UNC93A: variants seen among roughly 807,000 people sequenced by gnomAD.
The protein encoded by UNC93A is unc-93 homolog A.
Under a neutral mutation model 47.5 loss-of-function variants are expected in UNC93A, and 43 were observed. The ratio of observed to expected loss-of-function variants is 0.91; its 90% CI spans 0.71 to 1.17. UNC93A has a LOEUF of 1.17. Among genes scored for constraint, UNC93A ranks in the 50% most tolerant of loss-of-function variants. The probability of loss-of-function intolerance (pLI) is 0.00; values close to 1 mark genes in which losing one functional copy is unlikely to be tolerated. For missense variants in UNC93A, 605 were observed against 577.6 expected (o/e 1.05, Z -0.49); for synonymous variants, 280 against 258.0 (o/e 1.09, Z -0.82).
chr6:167,297,810 C>A, intron 3 of UNC93A, 135 bp from the exon 4 acceptor site: 1 of 1,125,106 alleles, frequency 8.9e-7, no homozygotes, highest in Non-Finnish European at 1.3e-6. Flanking sequence ...GACACTGGGT[C>A]TTTCCACGTG....
At chr6:167,301,267 C>T (rs1370960172) in intron 4 of UNC93A, among the ~76,000 whole-genome samples, 1 of 152,200 alleles carries the variant, frequency 6.6e-6, no homozygotes, top group Non-Finnish European at 1.5e-5. Context: ...TCTCGGTTCA[C>T]GGAATCCCGC....
chr6:167,270,946 T>G (rs988170970), upstream of UNC93A, among the ~76,000 whole-genome samples: 2 of 152,172 alleles, frequency 1.3e-5, no homozygotes, highest in East Asian at 1.9e-4. Flanking sequence ...AAGGGGCATT[T>G]GAATTCAGTT....
chr6:167,290,814 A>C (rs1415716870), upstream of UNC93A, among the ~76,000 whole-genome samples: 1 of 152,236 alleles, frequency 6.6e-6, no homozygotes, highest in African/African-American at 2.4e-5. Flanking sequence ...GATCATTAGC[A>C]TAGCACTATT....
chr6:167,288,691 T>C (rs1783786718), upstream of UNC93A, among the ~76,000 whole-genome samples: 1 of 152,216 alleles, frequency 6.6e-6, no homozygotes, highest in African/African-American at 2.4e-5. Context: ...ATGAGTACAT[T>C]CCTTAAAAAA....
chr6:167,298,821 T>TA (rs112825719), intron 4 of UNC93A, among the ~76,000 whole-genome samples: 2 of 149,122 alleles, frequency 1.3e-5, no homozygotes, highest in African/African-American at 4.9e-5. Context: ...AATTTAAATA[T>TA]TTTTTTTTTT....
chr6:167,283,995 C>G (rs1783678459), intron 1 of UNC93A, among the ~76,000 whole-genome samples: 1 of 152,178 alleles, frequency 6.6e-6, no homozygotes, highest in African/African-American at 2.4e-5. Flanking sequence ...CAGGGTCAGG[C>G]TTTCCCTCAT....
At chr6:167,306,096 A>G in intron 6 of UNC93A, 46 bp downstream of exon 6, 2 of 1,608,718 alleles carry the variant, frequency 1.2e-6, no homozygotes, top group Non-Finnish European at 1.7e-6. Flanking sequence ...AACGATTTGC[A>G]GTAGCAAAAG....
intron 4 of UNC93A, among the ~76,000 whole-genome samples, chr6:167,303,635 C>T (rs2054): frequency 0.016 from 2,378 of 152,130 alleles, 29 homozygotes; most frequent in Non-Finnish European, 0.026. Context: ...CTTCTGGGGT[C>T]GCTCCGGAAT....
intron 1 of UNC93A, among the ~76,000 whole-genome samples, chr6:167,280,799 T>C (rs972186991): frequency 5.3e-5 from 8 of 152,104 alleles, no homozygotes; most frequent in Admixed American, 5.2e-4. Context: ...GTTAAGGAAA[T>C]ACAGCAGTAT....
chr6:167,280,483 T>C (rs1783613722), intron 1 of UNC93A, among the ~76,000 whole-genome samples: 1 of 152,354 alleles, frequency 6.6e-6, no homozygotes, highest in Admixed American at 6.5e-5. Flanking sequence ...CAAAGAGGGC[T>C]GAGCACATTC....
chr6:167,310,915 C>T (rs1436721007), intron 7 of UNC93A, among the ~76,000 whole-genome samples: 1 of 152,170 alleles, frequency 6.6e-6, no homozygotes, highest in Non-Finnish European at 1.5e-5. Flanking sequence ...TTTTCATATA[C>T]TTGAGAAGCT....
At position 167,296,153 on chromosome 6, in the gene UNC93A, A is replaced by G; in HGVS notation, c.391A>G (p.Lys131Glu). The stretch of plus-strand genomic sequence containing the variant: ...TGCAGAGAAGGCGGGAAAGCGTGGC[A>G]AAGACATGGTGAACCAGTATTTTGG... Reference protein sequence around the residue: ...THAEKAGKRGKDMVNQYFGIF... With the variant: ...THAEKAGKRGEDMVNQYFGIF... The change falls in exon 3 of 8, where the codon AAA (lysine) becomes GAA (glutamate). Residue 131 changes from lysine (K) to glutamate (E), a missense_variant. Transcript: ENST00000230256. 3.1e-6 allele frequency: 5 copies of G among 1,614,252 alleles called. No homozygotes were observed. Among genetic ancestry groups the G allele is most frequent in the Non-Finnish European group, 4.2e-6 (5 of 1,180,058 alleles).
upstream of UNC93A, among the ~76,000 whole-genome samples, chr6:167,287,039 A>G (rs1783748514): frequency 6.6e-6 from 1 of 150,774 alleles, no homozygotes; most frequent in East Asian, 1.9e-4. Flanking sequence ...CCCCTCATCC[A>G]GGCTTAGAAG....
intron 1 of UNC93A, among the ~76,000 whole-genome samples, chr6:167,281,559 G>A (rs1783634253): frequency 6.6e-6 from 1 of 152,196 alleles, no homozygotes; most frequent in Admixed American, 6.5e-5. Context: ...GAGAGTATGT[G>A]CAGGAGCCAG....
chr6:167,297,610 T>C (rs1778124454), intron 3 of UNC93A, among the ~76,000 whole-genome samples: 1 of 152,246 alleles, frequency 6.6e-6, no homozygotes, highest in Admixed American at 6.5e-5. Flanking sequence ...TACTTTTTTC[T>C]TTTTGACTAA....
intron 1 of UNC93A, among the ~76,000 whole-genome samples, chr6:167,274,531 C>T (rs1189727132): frequency 6.6e-6 from 1 of 152,108 alleles, no homozygotes; most frequent in Non-Finnish European, 1.5e-5. Flanking sequence ...TTTTGTGTTT[C>T]ATTCATACAT....
upstream of UNC93A, among the ~76,000 whole-genome samples, chr6:167,269,862 G>A (rs1783423033): frequency 6.6e-6 from 1 of 152,050 alleles, no homozygotes; most frequent in African/African-American, 2.4e-5. Context: ...TGATCCACCT[G>A]CCTCGGTCTC....
upstream of UNC93A, among the ~76,000 whole-genome samples, chr6:167,290,886 AGTT>A (rs1204941645): frequency 6.6e-6 from 1 of 152,222 alleles, no homozygotes; most frequent in Non-Finnish European, 1.5e-5. Flanking sequence ...TACTCATGTA[AGTT>A]GTTTTTTCTT....
intron 2 of UNC93A, among the ~76,000 whole-genome samples, 174 bp downstream of exon 2, chr6:167,294,872 T>A (rs2076008): frequency 6.6e-6 from 1 of 151,802 alleles, no homozygotes; most frequent in Non-Finnish European, 1.5e-5. Flanking sequence ...GTGCTGGGCT[T>A]CCTTCCTGTT....
Sources: allele counts gnomAD v4.1 joint callset (sites outside exome capture counted in the v4.1 genomes callset), GRCh38; gene constraint gnomAD v4.1.1; transcripts MANE v1.5; gene names NCBI Gene and HGNC (gene_info 2026-07-23, HGNC 2026-07-21).